MALRD1: variants seen among roughly 807,000 people sequenced by gnomAD.
The protein encoded by MALRD1 is MAM and LDL receptor class A domain containing 1.
In MALRD1, 247 loss-of-function variants were observed where a neutral mutation model predicts 242.1. The ratio of observed to expected loss-of-function variants is 1.02; its 90% CI spans 0.92 to 1.13. The LOEUF (loss-of-function observed/expected upper bound fraction) is 1.13, where lower values mean the gene tolerates loss of function less well. MALRD1 is among the 50% of genes most tolerant of loss of function. The pLI is 0.00. For missense variants in MALRD1, 2,989 were observed against 2,533.1 expected (o/e 1.18, Z -3.86); for synonymous variants, 995 against 866.6 (o/e 1.15, Z -2.60).
At chr10:19,499,623 G>A (rs2358409) in intron 31 of MALRD1, among the ~76,000 whole-genome samples, 38,670 of 151,942 alleles carry the variant, frequency 0.25, 7,582 homozygotes, top group African/African-American at 0.56. Context: ...ATCTCCTTCT[G>A]TATATACACA....
At chr10:19,705,331 C>G (rs1251823912) in intron 38 of MALRD1, among the ~76,000 whole-genome samples, 1 of 152,178 alleles carries the variant, frequency 6.6e-6, no homozygotes, top group Non-Finnish European at 1.5e-5. Flanking sequence ...CACGAGTGAG[C>G]ATGTCCTGGT....
chr10:19,394,357 T>G (rs1223146731), intron 28 of MALRD1, among the ~76,000 whole-genome samples: 1 of 152,170 alleles, frequency 6.6e-6, no homozygotes, highest in Non-Finnish European at 1.5e-5. Flanking sequence ...TGAATTCAGT[T>G]TTTCTGAATT....
chr10:19,243,245 A>G (rs1838879703), intron 18 of MALRD1, among the ~76,000 whole-genome samples: 2 of 151,796 alleles, frequency 1.3e-5, no homozygotes, highest in South Asian at 2.1e-4. Context: ...GTTACCTTAC[A>G]TTACATCTTT....
chr10:19,462,584 T>C (rs772548939), intron 29 of MALRD1, among the ~76,000 whole-genome samples: 1 of 152,210 alleles, frequency 6.6e-6, no homozygotes, highest in Non-Finnish European at 1.5e-5. Flanking sequence ...TAAATATTAC[T>C]AAAACCTAAA....
chr10:19,100,696 C>G (rs1836218739), intron 4 of MALRD1, among the ~76,000 whole-genome samples: 2 of 152,054 alleles, frequency 1.3e-5, no homozygotes, highest in South Asian at 4.2e-4. Flanking sequence ...GTGAAAATGT[C>G]CAGCAGGCTG....
chr10:19,705,333 T>C (rs1440027291), intron 38 of MALRD1, among the ~76,000 whole-genome samples: 1 of 152,182 alleles, frequency 6.6e-6, no homozygotes, highest in African/African-American at 2.4e-5. Flanking sequence ...CGAGTGAGCA[T>C]GTCCTGGTCC....
intron 28 of MALRD1, among the ~76,000 whole-genome samples, chr10:19,398,395 T>C (rs1846682482): frequency 6.6e-6 from 1 of 152,152 alleles, no homozygotes; most frequent in Non-Finnish European, 1.5e-5. Flanking sequence ...TTGAAAAATA[T>C]ATGTTAAACA....
intron 36 of MALRD1, among the ~76,000 whole-genome samples, chr10:19,643,249 T>C (rs1018128266): frequency 4.6e-5 from 7 of 151,652 alleles, no homozygotes; most frequent in Non-Finnish European, 5.9e-5. Flanking sequence ...CTGGCCAACA[T>C]GGTGAAACCC....
At chr10:19,408,842 G>T (rs1333156006) in intron 28 of MALRD1, among the ~76,000 whole-genome samples, 2 of 152,086 alleles carry the variant, frequency 1.3e-5, no homozygotes, top group Non-Finnish European at 2.9e-5. Context: ...AATATAAAAT[G>T]GTATAGAAAC....
At chr10:19,148,784 A>ATATATATATATATATAT (rs1309198981) in intron 11 of MALRD1, among the ~76,000 whole-genome samples, 53 of 63,886 alleles carry the variant, frequency 8.3e-4, no homozygotes, top group African/African-American at 2.6e-3. Context: ...AAAAAAAAAA[A>ATATATATATATATATAT]AAAAATATAT....
chr10:19,384,297 A>G (rs2130795509), intron 26 of MALRD1, among the ~76,000 whole-genome samples: 1 of 134,598 alleles, frequency 7.4e-6, no homozygotes, highest in East Asian at 2.0e-4. Context: ...TATATGTATT[A>G]TATATGTATT....
At chr10:19,268,142 G>A (rs16918449) in intron 19 of MALRD1, among the ~76,000 whole-genome samples, 11,720 of 151,996 alleles carry the variant, frequency 0.077, 769 homozygotes, top group Admixed American at 0.21. Context: ...GTCATTTGTA[G>A]TCACATTCAA....
In MALRD1 at chr10:19,115,697, G is replaced by T. The variant is rs144800555; in HGVS notation, c.695-7795G>T. ...TCGAGACCAACCTGGGCAACATGGT[G>T]AAACCCTGTATCTACTAAAAATATA... On this transcript the variant is annotated intron_variant, in intron 5 of 39. Coordinates refer to ENST00000454679, the MANE Select transcript of MALRD1 (RefSeq NM_001142308.3). Among the ~76,000 whole-genome samples the T allele has an allele frequency of 6.4e-4, 98 of 152,096 alleles. No individual in the cohort carries two copies. In the East Asian group the frequency reaches 0.018, roughly 29 times the overall value.
chr10:19,598,036 A>G (rs527527339), intron 34 of MALRD1, among the ~76,000 whole-genome samples: 68 of 152,266 alleles, frequency 4.5e-4, no homozygotes, highest in African/African-American at 1.4e-3. Context: ...GATCTTGCAG[A>G]ATCCTCACCA....
intron 36 of MALRD1, among the ~76,000 whole-genome samples, chr10:19,641,221 G>A (rs1188115734): frequency 1.3e-5 from 2 of 152,092 alleles, no homozygotes; most frequent in South Asian, 2.1e-4. Flanking sequence ...TCTAGAGTTA[G>A]CATTGAAAAC....
chr10:19,524,937 C>G (rs1834036518), intron 31 of MALRD1, among the ~76,000 whole-genome samples: 1 of 151,342 alleles, frequency 6.6e-6, no homozygotes, highest in Admixed American at 6.6e-5. Context: ...GAGTTTTGCT[C>G]TTGTTATCCA....
chr10:19,561,060 G>A (rs1221264588), intron 32 of MALRD1, among the ~76,000 whole-genome samples: 1 of 151,974 alleles, frequency 6.6e-6, no homozygotes, highest in Admixed American at 6.6e-5. Context: ...TGGGAATTGG[G>A]CATTTGAGAA....
At chr10:19,392,009 G>A (rs1051326640) in intron 28 of MALRD1, among the ~76,000 whole-genome samples, 1 of 152,186 alleles carries the variant, frequency 6.6e-6, no homozygotes, top group African/African-American at 2.4e-5. Flanking sequence ...AGAAGCATCT[G>A]TCATCTAAAT....
rs118191067 is a variant in MALRD1, at chr10:19,411,644, C to T, written c.4845+22035C>T. On this transcript the variant is annotated intron_variant, in intron 28 of 39. Coordinates refer to ENST00000454679, the MANE Select transcript of MALRD1 (RefSeq NM_001142308.3). ...CTCCAGACAGTCCAGTTCCAGGATC[C>T]GAGCGCTTAACTATCACCCCAGACT... is the stretch of plus-strand genomic sequence containing the variant. Among the ~76,000 whole-genome samples the T allele has an allele frequency of 6.0e-4, 91 of 152,190 alleles. 1 individual carries two copies. In the East Asian group the frequency reaches 0.013, roughly 22 times the overall value.
Sources: gnomAD v4.1 joint callset for allele counts (sites outside exome capture counted in the v4.1 genomes callset) on GRCh38, gnomAD v4.1.1 for gene constraint, MANE v1.5 for transcripts, NCBI Gene and HGNC (gene_info 2026-07-23, HGNC 2026-07-21) for gene names.